The following PPP1R21 variants were observed in gnomAD, a reference collection of about 807,000 sequenced individuals.
PPP1R21 encodes KLRAQ motif containing 1.
Under a neutral mutation model 112.8 loss-of-function variants are expected in PPP1R21, and 85 were observed. The ratio of observed to expected loss-of-function variants is 0.75; its 90% CI spans 0.63 to 0.90. PPP1R21 has a LOEUF of 0.90. Among genes scored for constraint, PPP1R21 ranks in the 40% least tolerant of loss-of-function variants. PPP1R21 has a pLI of 0.00. For missense variants in PPP1R21, 1,199 were observed against 901.5 expected, an observed-to-expected ratio of 1.33 and a Z score of -4.23; for synonymous variants, 381 against 322.3, an observed-to-expected ratio of 1.18 and a Z score of -1.95.
intron 17 of PPP1R21, among the ~76,000 whole-genome samples, chr2:48,503,096 A>T (rs1453883116): frequency 6.6e-6 from 1 of 152,218 alleles, no homozygotes; most frequent in Non-Finnish European, 1.5e-5. Flanking sequence ...ATAAAAAAAG[A>T]TAGCAATAGC....
intron 12 of PPP1R21, among the ~76,000 whole-genome samples, chr2:48,477,501 T>C (rs139793257): frequency 4.2e-4 from 64 of 152,340 alleles, no homozygotes; most frequent in African/African-American, 1.4e-3. Context: ...TCTTTCCTTA[T>C]TGAATGGTCT....
chr2:48,450,775 A>AT (rs369377217), intron 1 of PPP1R21, among the ~76,000 whole-genome samples: 11,652 of 146,628 alleles, frequency 0.079, 600 homozygotes, highest in Non-Finnish European at 0.12. Flanking sequence ...TTTGCCATTG[A>AT]TTTTTTTTTT....
At chr2:48,490,985 AC>A in intron 14 of PPP1R21, 32 bp from the exon 15 acceptor site, 1 of 1,601,112 alleles carries the variant, frequency 6.2e-7, no homozygotes, top group Middle Eastern at 1.7e-4. Context: ...TTGTTGGAAA[AC>A]AAAATCTATT....
At chr2:48,512,310 G>A (rs1296955599) in intron 21 of PPP1R21, among the ~76,000 whole-genome samples, 3 of 152,136 alleles carry the variant, frequency 2.0e-5, no homozygotes, top group Admixed American at 6.6e-5. Flanking sequence ...AACAACGTAT[G>A]TACTGTTTTG....
intron 17 of PPP1R21, among the ~76,000 whole-genome samples, chr2:48,504,747 A>G (rs928136383): frequency 6.6e-5 from 10 of 152,378 alleles, no homozygotes; most frequent in Middle Eastern, 3.4e-3. Flanking sequence ...GCCCAAGCAC[A>G]TGCCCCACCA....
intron 3 of PPP1R21, among the ~76,000 whole-genome samples, chr2:48,455,612 A>C (rs556122405): frequency 6.6e-6 from 1 of 152,348 alleles, no homozygotes; most frequent in African/African-American, 2.4e-5. Flanking sequence ...GAGACAGTGG[A>C]ATATCTTATA....
At chr2:48,511,190 ATTC>A (rs1321314510) in intron 20 of PPP1R21, 147 bp from the exon 21 acceptor site, 1 of 815,888 alleles carries the variant, frequency 1.2e-6, no homozygotes, top group Non-Finnish European at 1.9e-6. Flanking sequence ...GAACATAATA[ATTC>A]TTCTTTTGTA....
At chr2:48,472,156 C>G (rs1177265186) in intron 11 of PPP1R21, among the ~76,000 whole-genome samples, 5 of 145,034 alleles carry the variant, frequency 3.4e-5, no homozygotes, top group Non-Finnish European at 1.5e-5. Flanking sequence ...AGGAGAATCG[C>G]TCGAACCTGG....
Position 48,473,887 on chromosome 2 carries a change from G to A in PPP1R21, c.1089-796G>A, listed in dbSNP as rs542653213. 3.4e-4 allele frequency among the ~76,000 whole-genome samples: 52 copies of A among 152,136 alleles called. 1 individual carries two copies. Among genetic ancestry groups the A allele is most frequent in the African/African-American group, 1.3e-3 (52 of 41,510 alleles). On this transcript the variant is annotated intron_variant, in intron 11 of 21. Coordinates refer to ENST00000294952, the MANE Select transcript of PPP1R21 (RefSeq NM_001135629.3). ...GTAAAATGCATTTTATGAATGTTAA[G>A]CGTTTACTTTTAAATTTGAGCCTCT...
chr2:48,440,890 G>GT lies in PPP1R21; in HGVS notation c.-61dup. On this transcript the variant is annotated 5_prime_UTR_variant, in exon 1 of 22. Coordinates refer to ENST00000294952, the MANE Select transcript of PPP1R21 (RefSeq NM_001135629.3). The stretch of plus-strand genomic sequence containing the variant: ...GACCCGTTCCCGGGAGCGTGTCTGG[G>GT]TTTGGGGGCGGGAGACAGGCTGAGC... 1 of 1,087,588 alleles carries GT rather than the reference G, an allele frequency of 9.2e-7. No homozygotes were observed. Among genetic ancestry groups the GT allele is most frequent in the Non-Finnish European group, 1.3e-6 (1 of 763,012 alleles). 67.4% of individuals were successfully genotyped at this position (1,087,588 alleles called of 1,614,324 possible). A position where few individuals can be genotyped will look rare whatever the true frequency, so the allele number is the denominator to read the frequency against.
At chr2:48,513,641 C>T (rs1339708726) in intron 21 of PPP1R21, among the ~76,000 whole-genome samples, 1 of 152,142 alleles carries the variant, frequency 6.6e-6, no homozygotes, top group Non-Finnish European at 1.5e-5. Context: ...GCTTTTCCCC[C>T]ATTTAGTAAT....
intron 2 of PPP1R21, among the ~76,000 whole-genome samples, chr2:48,453,917 T>C (rs1299042819): frequency 6.6e-6 from 1 of 152,214 alleles, no homozygotes; most frequent in Non-Finnish European, 1.5e-5. Flanking sequence ...TTTCTTCCCA[T>C]TCTTTTTCAC....
intron 19 of PPP1R21, among the ~76,000 whole-genome samples, chr2:48,509,809 C>T (rs1670550068): frequency 6.6e-6 from 1 of 152,072 alleles, no homozygotes; most frequent in South Asian, 2.1e-4. Flanking sequence ...GACTTTTTTC[C>T]CCTTACTGAA....
In PPP1R21 at chr2:48,507,377, T is replaced by C. The variant is rs1458169525; in HGVS notation, c.2077T>C (p.Tyr693His). 6.2e-7 allele frequency: 1 copy of C among 1,601,698 alleles called. No homozygotes were observed. Residue 693 changes from tyrosine (Y) to histidine (H), a missense_variant, in exon 19 of 22, where the codon TAT becomes CAT. Coordinates refer to ENST00000294952, the MANE Select transcript of PPP1R21 (RefSeq NM_001135629.3). ...GGCTGACAGTAAGTCAGTGCATTTT[T>C]ATGCCGAGGTGAGTGTAGATTTAAT... Reference protein sequence around the residue: ...QLADSKSVHFYAECRALSKRL... With the variant: ...QLADSKSVHFHAECRALSKRL...
chr2:48,489,214 T>G (rs545548661), intron 14 of PPP1R21, among the ~76,000 whole-genome samples: 1 of 152,316 alleles, frequency 6.6e-6, no homozygotes, highest in African/African-American at 2.4e-5. Flanking sequence ...CTAAAGCATT[T>G]AGCCAGACAT....
At chr2:48,474,314 C>T (rs766884926) in intron 11 of PPP1R21, among the ~76,000 whole-genome samples, 1 of 152,054 alleles carries the variant, frequency 6.6e-6, no homozygotes, top group Non-Finnish European at 1.5e-5. Context: ...ACCTGGGATG[C>T]GGAGGTTACA....
intron 17 of PPP1R21, 146 bp downstream of exon 17, chr2:48,498,881 T>G: frequency 1.2e-6 from 1 of 864,184 alleles, no homozygotes; most frequent in South Asian, 1.8e-5. Flanking sequence ...TCACAGAAAT[T>G]TATTTCTCCC....
At chr2:48,506,372 G>A (rs1376184116) in intron 18 of PPP1R21, among the ~76,000 whole-genome samples, 1 of 152,130 alleles carries the variant, frequency 6.6e-6, no homozygotes, top group Non-Finnish European at 1.5e-5. Flanking sequence ...GGGATTACAG[G>A]CGTGAGCCAC....
At chr2:48,466,254 C>T (rs1196579676) in intron 9 of PPP1R21, among the ~76,000 whole-genome samples, 1 of 151,722 alleles carries the variant, frequency 6.6e-6, no homozygotes, top group Non-Finnish European at 1.5e-5. Flanking sequence ...CTCTGTTGCC[C>T]AGGTTGGAGT....
Sources: gnomAD v4.1 joint callset for allele counts (sites outside exome capture counted in the v4.1 genomes callset) on GRCh38, gnomAD v4.1.1 for gene constraint, MANE v1.5 for transcripts, NCBI Gene and HGNC (gene_info 2026-07-23, HGNC 2026-07-21) for gene names.